RAI1: variants seen among roughly 807,000 people sequenced by gnomAD.
RAI1 encodes the protein retinoic acid-induced protein 1.
Under a neutral mutation model 123.8 loss-of-function variants are expected in RAI1, and 9 were observed. The observed-to-expected ratio is 0.07, with a 90% CI of 0.04 to 0.13. The LOEUF (loss-of-function observed/expected upper bound fraction) is 0.13. Among genes scored for constraint, RAI1 ranks in the 10% least tolerant of loss-of-function variants. The pLI, the probability that RAI1 is intolerant of heterozygous loss-of-function variation, is 1.00. For synonymous variants in RAI1, 1,231 were observed against 1,127.3 expected (o/e 1.09, Z -1.84); for missense variants, 2,256 against 2,545.8 (o/e 0.89, Z 2.45).
At chr17:17,718,415 T>C (rs2042296926) in intron 1 of RAI1, among the ~76,000 whole-genome samples, 1 of 152,216 alleles carries the variant, frequency 6.6e-6, no homozygotes, top group African/African-American at 2.4e-5. Flanking sequence ...AGTGTTTTGC[T>C]CTCAGTTTCA....
chr17:17,740,396 C>T (rs1916584754), intron 2 of RAI1, among the ~76,000 whole-genome samples: 1 of 152,220 alleles, frequency 6.6e-6, no homozygotes, highest in Non-Finnish European at 1.5e-5. Flanking sequence ...AACACAGCCA[C>T]CTCTGGAGAG....
At chr17:17,702,537 C>T (rs563995846) in intron 1 of RAI1, among the ~76,000 whole-genome samples, 1 of 152,290 alleles carries the variant, frequency 6.6e-6, no homozygotes, top group Admixed American at 6.5e-5. Flanking sequence ...TCCTTGCAGA[C>T]AAAATGGAGG....
At chr17:17,716,510 C>A (rs1915718386) in intron 1 of RAI1, among the ~76,000 whole-genome samples, 1 of 152,152 alleles carries the variant, frequency 6.6e-6, no homozygotes, top group Admixed American at 6.5e-5. Flanking sequence ...GTGTGCCCAG[C>A]CTGAGGGGGG....
chr17:17,798,740 G>A (rs1367395369), intron 3 of RAI1, among the ~76,000 whole-genome samples: 4 of 152,170 alleles, frequency 2.6e-5, no homozygotes, highest in South Asian at 2.1e-4. Context: ...GAGACTTCCC[G>A]CCGGGGCCCG....
At chr17:17,708,433 TA>T in intron 1 of RAI1, among the ~76,000 whole-genome samples, 1 of 152,024 alleles carries the variant, frequency 6.6e-6, no homozygotes, top group Non-Finnish European at 1.5e-5. Context: ...CACACATATA[TA>T]TATATGTACA....
chr17:17,796,909 C>G lies in RAI1; in HGVS notation c.3961C>G (p.Pro1321Ala), dbSNP rs1253112076. 1 of 1,613,404 alleles carries G rather than the reference C, an allele frequency of 6.2e-7. No individual in the cohort carries two copies. Among genetic ancestry groups the G allele is most frequent in the Admixed American group, 1.7e-5 (1 of 60,032 alleles). The change falls in exon 3 of 6, where the codon CCC (proline) becomes GCC (alanine). Residue 1321 changes from proline (P) to alanine (A), a missense_variant. Physicochemically the swap from Pro to Ala is conservative, Grantham distance 27. Around this residue, in one of 7 missense-constraint regions of RAI1, gnomAD observed 322 missense variants for 358.0 expected, o/e 0.90. Transcript: ENST00000353383. This position sits in a 1 kb window ranked among gnomAD's most constrained non-coding sequence, Gnocchi z 5.8. ...QGAMKTKVLP[P>A]RKGRGLKLEA... ...GGCCATGAAGACCAAGGTGCTGCCA[C>G]CCCGGAAGGGCCGGGGCCTGAAGCT... is the stretch of plus-strand genomic sequence containing the variant.
At chr17:17,789,152 C>T (rs1260278745) in intron 2 of RAI1, among the ~76,000 whole-genome samples, 1 of 152,352 alleles carries the variant, frequency 6.6e-6, no homozygotes. Context: ...AGTGGGAGCC[C>T]CTCACGGGGG....
chr17:17,693,635 G>T (rs968344734), intron 1 of RAI1, among the ~76,000 whole-genome samples: 1 of 152,260 alleles, frequency 6.6e-6, no homozygotes, highest in African/African-American at 2.4e-5. Flanking sequence ...CCTTCAGCTG[G>T]CTGGGCAGGC....
intron 2 of RAI1, among the ~76,000 whole-genome samples, chr17:17,743,177 G>A (rs1916700328): frequency 6.6e-6 from 1 of 152,102 alleles, no homozygotes; most frequent in Non-Finnish European, 1.5e-5. Context: ...TTTGGTAGAG[G>A]TGGGATCTCA....
intron 2 of RAI1, among the ~76,000 whole-genome samples, chr17:17,769,957 G>A (rs904956763): frequency 6.6e-6 from 1 of 152,222 alleles, no homozygotes; most frequent in Non-Finnish European, 1.5e-5. Flanking sequence ...GGATGGGACC[G>A]AGGAGCAGCG....
chr17:17,781,066 C>G (rs1284597032), intron 2 of RAI1, among the ~76,000 whole-genome samples: 1 of 152,238 alleles, frequency 6.6e-6, no homozygotes, highest in Non-Finnish European at 1.5e-5. Context: ...AGGCTGCCCT[C>G]TTGGGGAAGG....
intron 4 of RAI1, among the ~76,000 whole-genome samples, chr17:17,804,709 G>C (rs957379876): frequency 4.6e-5 from 7 of 152,256 alleles, no homozygotes; most frequent in East Asian, 3.9e-4. Context: ...ACCCAAGCTA[G>C]AGTGCAGGGG....
intron 1 of RAI1, among the ~76,000 whole-genome samples, chr17:17,698,461 G>C (rs1042708855): frequency 7.2e-5 from 11 of 152,120 alleles, no homozygotes; most frequent in African/African-American, 2.2e-4. Context: ...AGACAACCCT[G>C]TAACAGCCCT....
At chr17:17,695,129 T>A (rs1390536580) in intron 1 of RAI1, among the ~76,000 whole-genome samples, 1 of 152,144 alleles carries the variant, frequency 6.6e-6, no homozygotes, top group Non-Finnish European at 1.5e-5. Flanking sequence ...GCTTGGGGGC[T>A]ATTAAAAGTG....
At chr17:17,770,460 A>G (rs2142994985) in intron 2 of RAI1, among the ~76,000 whole-genome samples, 1 of 152,310 alleles carries the variant, frequency 6.6e-6, no homozygotes, top group African/African-American at 2.4e-5. Context: ...CAGAAGTTAT[A>G]AAAGGAGGGA....
Position 17,798,217 on chromosome 17 carries a change from C to T in RAI1, c.5269C>T (p.Pro1757Ser), listed in dbSNP as rs2143003449. Residue 1757 changes from proline (P) to serine (S), a missense_variant, in exon 3 of 6, where the codon CCT becomes TCT. This residue lies in a region of RAI1 where 243 missense variants were observed against 316.6 expected (regional missense o/e 0.77). Transcript: ENST00000353383. ...AAATAGKPPR[P>S]DGPADPAKQG... Reference sequence around the variant, plus strand: ...CGCCACTGCCGGGAAGCCCCCCAGGCCTGACGGCCCAGCTGACCCGGCCAA... The same window carrying T: ...CGCCACTGCCGGGAAGCCCCCCAGGTCTGACGGCCCAGCTGACCCGGCCAA... 6.2e-7 allele frequency: 1 copy of T among 1,612,162 alleles called. No individual in the cohort carries two copies. Among genetic ancestry groups the T allele is most frequent in the Non-Finnish European group, 8.5e-7 (1 of 1,179,568 alleles).
intron 2 of RAI1, among the ~76,000 whole-genome samples, chr17:17,790,900 A>G (rs980638367): frequency 2.6e-5 from 4 of 152,178 alleles, no homozygotes; most frequent in African/African-American, 9.7e-5. Flanking sequence ...CCCACCTGGC[A>G]GGGAGCTGCC....
chr17:17,794,391 C>T lies in RAI1; in HGVS notation c.1443C>T (p.Cys481=). ...RTPEQHKSQH[C]SPEGSGYSAE... The stretch of plus-strand genomic sequence containing the variant: ...CAGAGCAGCATAAAAGCCAGCACTG[C>T]AGCCCCGAAGGGAGCGGCTACTCAG... The change falls in exon 3 of 6, where the codon TGC becomes TGT. Residue 481 remains cysteine, a synonymous_variant. Transcript: ENST00000353383. 6.2e-7 allele frequency: 1 copy of T among 1,613,208 alleles called. No individual in the cohort carries two copies. The highest frequency in any genetic ancestry group is 8.5e-7 in the Non-Finnish European group (1 of 1,180,042).
At chr17:17,688,838 TC>T (rs1914738796) in intron 1 of RAI1, among the ~76,000 whole-genome samples, 2 of 152,124 alleles carry the variant, frequency 1.3e-5, no homozygotes, top group Admixed American at 6.5e-5. Flanking sequence ...GACCTCATGA[TC>T]CGCCTGCCTC....
Sources: gnomAD v4.1 joint callset for allele counts (sites outside exome capture counted in the v4.1 genomes callset) on GRCh38, gnomAD v4.1.1 for gene constraint, gnomAD v4.1.1 regional missense constraint, Gnocchi (gnomAD v3.1) non-coding constraint, MANE v1.5 for transcripts, NCBI Gene and HGNC (gene_info 2026-07-23, HGNC 2026-07-21) for gene names.